The following NUMB variants were observed in gnomAD, a reference collection of about 807,000 sequenced individuals.
The protein encoded by NUMB is protein numb homolog.
In NUMB, 29 loss-of-function variants were observed where a neutral mutation model predicts 59.7. That is an observed-to-expected ratio of 0.49 (90% CI 0.36 to 0.66). NUMB has a LOEUF of 0.66. Among genes scored for constraint, NUMB ranks in the 30% least tolerant of loss-of-function variants. The probability of loss-of-function intolerance (pLI) is 0.00; values close to 1 mark genes in which losing one functional copy is unlikely to be tolerated. For missense variants in NUMB, 723 were observed against 822.0 expected (o/e 0.88, Z 1.47); for synonymous variants, 288 against 288.2 (o/e 1.00, Z 0.01).
At chr14:73,318,127 A>G (rs940187361) in intron 5 of NUMB, among the ~76,000 whole-genome samples, 4 of 152,248 alleles carry the variant, frequency 2.6e-5, no homozygotes, top group Admixed American at 2.0e-4. Flanking sequence ...TTGTTAGACT[A>G]TGAATAACCA....
intron 4 of NUMB, among the ~76,000 whole-genome samples, chr14:73,347,688 T>C (rs1892989705): frequency 6.6e-6 from 1 of 152,228 alleles, no homozygotes; most frequent in Non-Finnish European, 1.5e-5. Flanking sequence ...GTTGAAACTT[T>C]GGTTTCTAAG....
At chr14:73,445,354 CAAAAAAAAAA>C (rs752154048) in intron 1 of NUMB, among the ~76,000 whole-genome samples, 23,143 of 57,658 alleles carry the variant, frequency 0.4, 3,183 homozygotes, top group Non-Finnish European at 0.43. Context: ...GACCCTGTCT[CAAAAAAAAAA>C]AAAAAAAAAA....
rs751312369 is a variant in NUMB at position 73,277,227 on chromosome 14, G to A, written c.1307C>T (p.Thr436Ile). 3.1e-6 allele frequency: 5 copies of A among 1,613,898 alleles called. No homozygotes were observed. The highest frequency in any genetic ancestry group is 2.7e-5 in the African/African-American group (2 of 74,920). ...TAACCATCGGTCGGCCTCAGAGGGA[G>A]TACGTCTATGACCGGCCTGGAAGAG... ...PGLFQAGHRRTPSEADRWLEE... is the reference protein window; with the variant it reads ...PGLFQAGHRRIPSEADRWLEE... Residue 436 changes from threonine to isoleucine, a missense_variant, in exon 13 of 13, where the codon ACT becomes ATT. Thr to Ile is a moderately conservative substitution (Grantham distance 89). Transcript: ENST00000555238.
intron 1 of NUMB, among the ~76,000 whole-genome samples, chr14:73,444,064 T>C (rs1883284498): frequency 6.6e-6 from 1 of 152,024 alleles, no homozygotes; most frequent in Admixed American, 6.6e-5. Context: ...CGCACCACCT[T>C]GCCCGGGCCG....
At chr14:73,438,856 A>G (rs947603110) in intron 1 of NUMB, among the ~76,000 whole-genome samples, 13 of 152,148 alleles carry the variant, frequency 8.5e-5, no homozygotes, top group Non-Finnish European at 1.9e-4. Context: ...GGGTTTCATT[A>G]TAAGAACACA....
At chr14:73,299,517 A>G (rs186233541) in intron 6 of NUMB, 2 of 150,344 alleles carry the variant, frequency 1.3e-5, no homozygotes, top group African/African-American at 4.9e-5. Flanking sequence ...GTGAATTCTT[A>G]AAATAGATAA....
At chr14:73,391,136 T>G (rs1416398008) in intron 2 of NUMB, among the ~76,000 whole-genome samples, 1 of 152,088 alleles carries the variant, frequency 6.6e-6, no homozygotes, top group Non-Finnish European at 1.5e-5. Flanking sequence ...TTCTCAGCCT[T>G]GGTTTTCTTT....
intron 2 of NUMB, among the ~76,000 whole-genome samples, chr14:73,377,163 C>T (rs1894989848): frequency 6.6e-6 from 1 of 151,976 alleles, no homozygotes; most frequent in South Asian, 2.1e-4. Flanking sequence ...ATCTAGATGA[C>T]TTTGGGTAAG....
At chr14:73,349,049 A>C (rs933784252) in intron 4 of NUMB, among the ~76,000 whole-genome samples, 1 of 152,252 alleles carries the variant, frequency 6.6e-6, no homozygotes, top group African/African-American at 2.4e-5. Flanking sequence ...TTTGTGTCTT[A>C]ATATTTCTTA....
At chr14:73,315,856 T>C (rs1224954633) in intron 6 of NUMB, among the ~76,000 whole-genome samples, 1 of 152,148 alleles carries the variant, frequency 6.6e-6, no homozygotes, top group Non-Finnish European at 1.5e-5. Flanking sequence ...GAGGAGATAA[T>C]CCTCTTTTAA....
intron 2 of NUMB, among the ~76,000 whole-genome samples, chr14:73,379,252 AC>A (rs1048296315): frequency 1.9e-4 from 29 of 152,220 alleles, no homozygotes; most frequent in Non-Finnish European, 3.7e-4. Context: ...AGGGGAAAGC[AC>A]GTAAGTGTTG....
intron 1 of NUMB, among the ~76,000 whole-genome samples, chr14:73,453,733 G>A (rs539580055): frequency 5.1e-4 from 77 of 151,412 alleles, no homozygotes; most frequent in African/African-American, 1.7e-3. Context: ...TCAGCCTCCC[G>A]AGTAGCTGGG....
chr14:73,410,675 C>T (rs1896857233), intron 1 of NUMB, among the ~76,000 whole-genome samples: 1 of 152,118 alleles, frequency 6.6e-6, no homozygotes, highest in Admixed American at 6.5e-5. Flanking sequence ...TAGATGGTAG[C>T]AGTTGTTGTT....
In NUMB at chr14:73,355,626, C is replaced by T. The variant is rs756877244; in HGVS notation, c.126G>A (p.Lys42=). The T allele has an allele frequency of 3.1e-6, 5 of 1,612,344 alleles. No individual in the cohort carries two copies. Among genetic ancestry groups the T allele is most frequent in the Non-Finnish European group, 4.2e-6 (5 of 1,179,490 alleles). ...GACTTATAGAAACATCAGCTCTTAC[C>T]TTAACCGGGAAGCTACATTTTCCGG... ...VRTGKCSFPV[K]YLGHVEVDES... The change falls in exon 4 of 13, where the codon AAG becomes AAA. Residue 42 remains lysine, a splice_region_variant and synonymous_variant. Coordinates refer to ENST00000555238, the MANE Select transcript of NUMB (RefSeq NM_001005743.2).
intron 6 of NUMB, among the ~76,000 whole-genome samples, chr14:73,300,786 C>G (rs1224974814): frequency 6.6e-6 from 1 of 152,070 alleles, no homozygotes; most frequent in Non-Finnish European, 1.5e-5. Context: ...GGTATATCTC[C>G]TAATGCTATT....
chr14:73,431,414 C>T (rs1192283663), intron 1 of NUMB, among the ~76,000 whole-genome samples: 1 of 151,222 alleles, frequency 6.6e-6, no homozygotes, highest in Admixed American at 6.6e-5. Flanking sequence ...TGCCACCATA[C>T]CTGACTAATT....
At position 73,357,246 on chromosome 14, in the gene NUMB, T is replaced by C. The variant is rs923991941; in HGVS notation, c.-15-1480A>G. Among the ~76,000 whole-genome samples, 6 of 149,594 alleles carry C rather than the reference T, an allele frequency of 4.0e-5. 1 individual carries two copies. Among genetic ancestry groups the C allele is most frequent in the Admixed American group, 2.7e-4 (4 of 14,924 alleles). Reference sequence around the variant, plus strand: ...AGCGAAACCCCGTCTCTACTAAAAATACAAAAATTAGCCAGGCATGGTGGC... The same window carrying C: ...AGCGAAACCCCGTCTCTACTAAAAACACAAAAATTAGCCAGGCATGGTGGC... On this transcript the variant is annotated intron_variant, in intron 3 of 12. Coordinates refer to ENST00000555238, the MANE Select transcript of NUMB (RefSeq NM_001005743.2).
intron 3 of NUMB, among the ~76,000 whole-genome samples, chr14:73,360,068 C>T (rs1242252436): frequency 6.6e-6 from 1 of 152,168 alleles, no homozygotes; most frequent in African/African-American, 2.4e-5. Flanking sequence ...AGATTAGCCA[C>T]CGTAATCTTT....
intron 2 of NUMB, among the ~76,000 whole-genome samples, chr14:73,367,521 C>T (rs1036101085): frequency 6.6e-6 from 1 of 151,692 alleles, no homozygotes; most frequent in Non-Finnish European, 1.5e-5. Flanking sequence ...TGCCTGTAAT[C>T]CCAGCACTTC....
Sources: allele counts gnomAD v4.1 joint callset (sites outside exome capture counted in the v4.1 genomes callset), GRCh38; gene constraint gnomAD v4.1.1; transcripts MANE v1.5; gene names NCBI Gene and HGNC (gene_info 2026-07-23, HGNC 2026-07-21).